The following CHRNA7 variants were observed in gnomAD, a reference collection of about 807,000 sequenced individuals.
The protein encoded by CHRNA7 is cholinergic receptor nicotinic alpha 7 subunit.
CHRNA7 carries 17 observed loss-of-function variants against 48.0 expected under a neutral mutation model. The observed-to-expected ratio is 0.35, with a 90% CI of 0.24 to 0.53. CHRNA7 has a LOEUF of 0.53. CHRNA7 is among the 20% of genes least tolerant of loss of function. The probability of loss-of-function intolerance (pLI) is 0.92; values close to 1 mark genes in which losing one functional copy is unlikely to be tolerated. For synonymous variants in CHRNA7, 75 were observed against 242.3 expected (o/e 0.31, Z 6.41); for missense variants, 155 against 577.7 (o/e 0.27, Z 7.50).
At chr15:32,044,394 C>T (rs1295793824) in intron 2 of CHRNA7, among the ~76,000 whole-genome samples, 1 of 152,122 alleles carries the variant, frequency 6.6e-6, no homozygotes, top group Non-Finnish European at 1.5e-5. Flanking sequence ...TCTTCTGCCT[C>T]AGCCTCCCGA....
rs552342237 is a variant in CHRNA7, at chr15:32,047,752, T to A, written c.195+16715T>A. On this transcript the variant is annotated intron_variant, in intron 2 of 9. Transcript: ENST00000306901. ...AGAGGGCATCCCTGTCTGTGCCAGT[T>A]TTCAAAGGGAATGCTTCCAGTTTTT... 2.6e-5 allele frequency among the ~76,000 whole-genome samples: 4 copies of A among 152,348 alleles called. No homozygotes were observed. In the East Asian group the frequency reaches 7.7e-4, roughly 29 times the overall value.
intron 2 of CHRNA7, among the ~76,000 whole-genome samples, chr15:32,072,391 T>C (rs2050071729): frequency 6.6e-6 from 1 of 152,180 alleles, no homozygotes. Context: ...TTAGAAAATT[T>C]GCAGCCTGGC....
At chr15:32,074,637 ATATTATTATTATTAT>A (rs113812797) in intron 2 of CHRNA7, among the ~76,000 whole-genome samples, 2 of 141,770 alleles carry the variant, frequency 1.4e-5, no homozygotes, top group African/African-American at 5.2e-5. Flanking sequence ...CACATTATTA[ATATTATTATTATTAT>A]TATTATTATT....
chr15:32,102,900 G>A (rs1226656233), intron 3 of CHRNA7: 1 of 152,182 alleles, frequency 6.6e-6, no homozygotes, highest in Admixed American at 6.5e-5. Flanking sequence ...AGCTTGATTA[G>A]TTTCTCCTTC....
At chr15:32,152,553 T>G (rs2051653187) in intron 4 of CHRNA7, among the ~76,000 whole-genome samples, 1 of 152,166 alleles carries the variant, frequency 6.6e-6, no homozygotes, top group Non-Finnish European at 1.5e-5. Flanking sequence ...CATTGTGGCT[T>G]CTGCAGGAAG....
chr15:32,088,399 G>A (rs1188829701), intron 2 of CHRNA7, among the ~76,000 whole-genome samples: 1 of 152,168 alleles, frequency 6.6e-6, no homozygotes, highest in Non-Finnish European at 1.5e-5. Flanking sequence ...CTATAAACAT[G>A]TGCAGGTTTT....
At chr15:32,046,279 C>T (rs1472570255) in intron 2 of CHRNA7, among the ~76,000 whole-genome samples, 2 of 149,252 alleles carry the variant, frequency 1.3e-5, no homozygotes, top group Non-Finnish European at 1.5e-5. Flanking sequence ...GTTTACAGTC[C>T]CACCAGCAGT....
intron 4 of CHRNA7, among the ~76,000 whole-genome samples, chr15:32,132,300 A>G (rs2141319481): frequency 6.6e-6 from 1 of 152,196 alleles, no homozygotes; most frequent in African/African-American, 2.4e-5. Flanking sequence ...TCCAGAACCC[A>G]GTTTGGAATA....
intron 4 of CHRNA7, among the ~76,000 whole-genome samples, chr15:32,151,104 C>G (rs930842374): frequency 6.6e-6 from 1 of 151,982 alleles, no homozygotes; most frequent in African/African-American, 2.4e-5. Context: ...ACGGCTTTCT[C>G]ATACAATTAC....
At chr15:32,110,381 C>T (rs780883399) in intron 3 of CHRNA7, among the ~76,000 whole-genome samples, 13 of 152,220 alleles carry the variant, frequency 8.5e-5, no homozygotes, top group Non-Finnish European at 1.9e-4. Context: ...TCATTAGAGA[C>T]CCCAGCAGGC....
At chr15:32,132,069 G>T (rs1295505377) in intron 4 of CHRNA7, among the ~76,000 whole-genome samples, 2 of 152,150 alleles carry the variant, frequency 1.3e-5, no homozygotes, top group Non-Finnish European at 2.9e-5. Context: ...TCTCCCTTTT[G>T]CCTGGGGATG....
intron 2 of CHRNA7, among the ~76,000 whole-genome samples, chr15:32,096,316 C>T (rs2050467723): frequency 6.6e-6 from 1 of 152,036 alleles, no homozygotes; most frequent in South Asian, 2.1e-4. Context: ...ATCTTTTGCC[C>T]ATTTTTCTAT....
intron 4 of CHRNA7, among the ~76,000 whole-genome samples, chr15:32,151,053 C>G (rs758172109): frequency 2.0e-5 from 3 of 151,904 alleles, no homozygotes; most frequent in Non-Finnish European, 4.4e-5. Context: ...TCTTCCTTCC[C>G]TTAAACTTCA....
intron 4 of CHRNA7, among the ~76,000 whole-genome samples, chr15:32,153,236 T>C (rs1421991225): frequency 2.6e-5 from 4 of 151,716 alleles, no homozygotes; most frequent in East Asian, 1.9e-4. Context: ...CCGGCTAACA[T>C]AGTGAAACCC....
chr15:32,046,050 T>A (rs2141178405), intron 2 of CHRNA7, among the ~76,000 whole-genome samples: 1 of 151,962 alleles, frequency 6.6e-6, no homozygotes, highest in African/African-American at 2.4e-5. Flanking sequence ...TGCCACATTT[T>A]CTTAATCCAG....
Position 32,048,804 on chromosome 15 carries a change from T to C in CHRNA7, c.195+17767T>C, listed in dbSNP as rs570389576. On this transcript the variant is annotated intron_variant, in intron 2 of 9. Transcript: ENST00000306901. Reference sequence around the variant, plus strand: ...GCTTTCCTGCTTTCTCTTGTGGGCATTTAGTGCTATAAATTTCCCTGTAGA... The same window carrying C: ...GCTTTCCTGCTTTCTCTTGTGGGCACTTAGTGCTATAAATTTCCCTGTAGA... Among the ~76,000 whole-genome samples, 3 of 152,152 alleles carry C rather than the reference T, an allele frequency of 2.0e-5. No individual in the cohort carries two copies. The East Asian group carries it at 5.8e-4, about 29-fold the overall frequency.
chr15:32,119,543 G>A (rs934638610), intron 4 of CHRNA7, among the ~76,000 whole-genome samples: 3 of 152,196 alleles, frequency 2.0e-5, no homozygotes, highest in Non-Finnish European at 2.9e-5. Context: ...GGACCAAGTC[G>A]TGGAGGCCTT....
At chr15:32,031,107 C>G in intron 2 of CHRNA7, 70 bp downstream of exon 2, 1 of 1,590,932 alleles carries the variant, frequency 6.3e-7, no homozygotes, top group African/African-American at 1.3e-5. Flanking sequence ...TAGACAGCGT[C>G]GGGCGGCCAG....
intron 2 of CHRNA7, among the ~76,000 whole-genome samples, chr15:32,069,444 G>A (rs113152911): frequency 0.019 from 2,967 of 152,262 alleles, 95 homozygotes; most frequent in African/African-American, 0.068. Flanking sequence ...CCAGGAGTTG[G>A]AGACCAGCCT....
Sources: gnomAD v4.1 joint callset for allele counts (sites outside exome capture counted in the v4.1 genomes callset) on GRCh38, gnomAD v4.1.1 for gene constraint, MANE v1.5 for transcripts, NCBI Gene and HGNC (gene_info 2026-07-23, HGNC 2026-07-21) for gene names.